Variants in RPN2 observed in about 807,000 individuals in gnomAD.
RPN2 encodes dolichyl-diphosphooligosaccharide--protein glycosyltransferase subunit 2.
In RPN2, 29 loss-of-function variants were observed where a neutral mutation model predicts 71.4. That is an observed-to-expected ratio of 0.41 (90% CI 0.30 to 0.55). The LOEUF is 0.55. Ranked by LOEUF, RPN2 falls within the 20% of genes least tolerant of loss-of-function variation. The pLI is 0.35. For synonymous variants in RPN2, 308 were observed against 305.0 expected (o/e 1.01, Z -0.10); for missense variants, 726 against 774.1 (o/e 0.94, Z 0.74).
intron 16 of RPN2, chr20:37,238,330 T>C: frequency 8.3e-7 from 1 of 1,209,608 alleles, no homozygotes; most frequent in Non-Finnish European, 1.2e-6. Context: ...TGGGTGTTTG[T>C]CATTTCTTTC....
intron 7 of RPN2, 103 bp from the exon 8 acceptor site, chr20:37,209,944 G>A: frequency 6.4e-7 from 1 of 1,556,134 alleles, no homozygotes; most frequent in Non-Finnish European, 8.7e-7. Flanking sequence ...CAGGGGATTT[G>A]CTCTCCTGCA....
At chr20:37,210,309 G>A in intron 8 of RPN2, 144 bp downstream of exon 8, 2 of 1,475,770 alleles carry the variant, frequency 1.4e-6, no homozygotes, top group African/African-American at 1.4e-5. Context: ...GTAAGAAAAT[G>A]ATTTTTAAAA....
intron 2 of RPN2, among the ~76,000 whole-genome samples, chr20:37,190,116 A>T (rs1397630146): frequency 1.3e-5 from 2 of 152,206 alleles, no homozygotes; most frequent in South Asian, 4.1e-4. Flanking sequence ...GAACCACAGG[A>T]TTCGGTGTAG....
At chr20:37,202,223 T>C (rs1226509979) in intron 4 of RPN2, among the ~76,000 whole-genome samples, 5 of 152,212 alleles carry the variant, frequency 3.3e-5, no homozygotes, top group Non-Finnish European at 7.3e-5. Flanking sequence ...CGGGCAGATG[T>C]GTGATTTTTG....
chr20:37,220,139 A>C (rs565534963), intron 9 of RPN2, among the ~76,000 whole-genome samples: 2 of 152,306 alleles, frequency 1.3e-5, no homozygotes, highest in East Asian at 3.9e-4. Flanking sequence ...TAAGCATTAC[A>C]AAATCTTCTC....
intron 14 of RPN2, among the ~76,000 whole-genome samples, 157 bp downstream of exon 14, chr20:37,232,548 C>T (rs1362685682): frequency 6.6e-6 from 1 of 152,114 alleles, no homozygotes; most frequent in Non-Finnish European, 1.5e-5. Flanking sequence ...TTAGAATGAC[C>T]AAAAGTTCCC....
At chr20:37,210,416 T>C (rs1006686491) in intron 8 of RPN2, among the ~76,000 whole-genome samples, 1 of 152,220 alleles carries the variant, frequency 6.6e-6, no homozygotes, top group Non-Finnish European at 1.5e-5. Flanking sequence ...TAATATTTAT[T>C]GATTTTTTTC....
chr20:37,232,271 G>A lies in RPN2; in HGVS notation c.1582-25G>A. ...CCTACTGGGAAGGGCACATTCTTAA[G>A]TCTTCTTGGTGTGTCTTTCGGCAGC... On this transcript the variant is annotated intron_variant, in intron 13 of 16. Transcript: ENST00000237530. The A allele has an allele frequency of 2.5e-6, 4 of 1,614,090 alleles. No homozygotes were observed. The South Asian group carries it at 4.4e-5, about 18-fold the overall frequency.
chr20:37,221,480 G>A (rs1046686184), intron 9 of RPN2, among the ~76,000 whole-genome samples: 2 of 152,186 alleles, frequency 1.3e-5, no homozygotes, highest in African/African-American at 2.4e-5. Context: ...TTACAGGCGT[G>A]AGCCACCACG....
intron 9 of RPN2, among the ~76,000 whole-genome samples, chr20:37,220,438 G>A (rs1012655411): frequency 3.9e-5 from 6 of 152,024 alleles, no homozygotes; most frequent in Non-Finnish European, 7.4e-5. Context: ...GGTTTTGGAC[G>A]CTCTCATTAG....
chr20:37,203,361 C>A (rs74502661), intron 4 of RPN2, among the ~76,000 whole-genome samples: 4 of 138,138 alleles, frequency 2.9e-5, no homozygotes, highest in East Asian at 4.4e-4. Context: ...TTGCTTCAAT[C>A]TTTTTTTTTT....
intron 2 of RPN2, among the ~76,000 whole-genome samples, chr20:37,185,135 C>T (rs530953639): frequency 6.9e-6 from 1 of 145,510 alleles, no homozygotes; most frequent in East Asian, 1.9e-4. Context: ...TTCCTGGATT[C>T]GGGACAGTCT....
rs546023719 is a variant in RPN2 at position 37,235,605 on chromosome 20, A to G, written c.1754-975A>G. Among the ~76,000 whole-genome samples, 22 of 152,288 alleles carry G rather than the reference A, an allele frequency of 1.4e-4. No homozygotes were observed. In the South Asian group the frequency reaches 3.9e-3, roughly 27 times the overall value. On this transcript the variant is annotated intron_variant, in intron 15 of 16. Coordinates refer to ENST00000237530, the MANE Select transcript of RPN2 (RefSeq NM_002951.5). ...CCTTACAGTTTGTTTCCCCCCATAA[A>G]AAAAGAAATTATTCATTTATTTATA...
rs147856425 is a variant in RPN2, at chr20:37,205,113, A to G, written c.690+212A>G. 4.7e-4 allele frequency among the ~76,000 whole-genome samples: 72 copies of G among 152,258 alleles called. 1 individual carries two copies. The highest frequency in any genetic ancestry group is 1.7e-3 in the African/African-American group (70 of 41,550). ...AGTGAGGTAGACGTGTAAACAAACC[A>G]TGCTTGCTTTAAATGGGGTATGTAC... On this transcript the variant is annotated intron_variant, in intron 6 of 16. Coordinates refer to ENST00000237530, the MANE Select transcript of RPN2 (RefSeq NM_002951.5).
intron 8 of RPN2, among the ~76,000 whole-genome samples, chr20:37,213,035 C>A (rs974123947): frequency 1.3e-5 from 2 of 151,836 alleles, no homozygotes; most frequent in Non-Finnish European, 2.9e-5. Flanking sequence ...AAGATATGTC[C>A]TTTTTGAGAA....
At chr20:37,225,948 C>G (rs1009772122) in intron 11 of RPN2, 146 bp downstream of exon 11, 2 of 705,148 alleles carry the variant, frequency 2.8e-6, no homozygotes, top group Middle Eastern at 3.6e-4. Context: ...TCAGGTTCTC[C>G]CACATGACAC....
intron 2 of RPN2, among the ~76,000 whole-genome samples, chr20:37,193,781 GCTTGAAATAC>G (rs1276879312): frequency 1.3e-5 from 2 of 152,202 alleles, no homozygotes; most frequent in Non-Finnish European, 2.9e-5. Flanking sequence ...ACCATGGTGA[GCTTGAAATAC>G]CTTTGAGTCA....
intron 9 of RPN2, among the ~76,000 whole-genome samples, chr20:37,222,435 AT>A (rs938995954): frequency 2.0e-5 from 3 of 152,230 alleles, no homozygotes; most frequent in African/African-American, 7.2e-5. Flanking sequence ...CCTATTCAAC[AT>A]GATAATTGAG....
At chr20:37,238,025 C>G (rs2068449134) in intron 16 of RPN2, among the ~76,000 whole-genome samples, 1 of 151,944 alleles carries the variant, frequency 6.6e-6, no homozygotes, top group African/African-American at 2.4e-5. Flanking sequence ...GACCTCGTCT[C>G]TCAAAAAATT....
Sources: allele counts gnomAD v4.1 joint callset (sites outside exome capture counted in the v4.1 genomes callset), GRCh38; gene constraint gnomAD v4.1.1; transcripts MANE v1.5; gene names NCBI Gene and HGNC (gene_info 2026-07-23, HGNC 2026-07-21).